Variants in PMEPA1 observed in about 807,000 individuals in gnomAD.
The protein encoded by PMEPA1 is prostate transmembrane protein, androgen induced 1, also known as protein TMEPAI.
A neutral mutation model predicts 23.0 loss-of-function variants in PMEPA1; 11 were observed. That is an observed-to-expected ratio of 0.48 (90% confidence interval 0.30 to 0.79). The LOEUF (loss-of-function observed/expected upper bound fraction) is 0.79. Among genes scored for constraint, PMEPA1 ranks in the 30% least tolerant of loss-of-function variants. The probability of loss-of-function intolerance (pLI) is 0.06; values close to 1 mark genes in which losing one functional copy is unlikely to be tolerated. For missense variants in PMEPA1, 377 were observed against 390.9 expected (o/e 0.96, Z 0.30); for synonymous variants, 204 against 166.4 (o/e 1.23, Z -1.74).
intron 1 of PMEPA1, among the ~76,000 whole-genome samples, chr20:57,703,217 G>A (rs1434097711): frequency 2.0e-5 from 3 of 152,246 alleles, no homozygotes; most frequent in Non-Finnish European, 4.4e-5. Flanking sequence ...CTGAAGACCG[G>A]CCCCTCCCCG....
At chr20:57,669,950 G>A (rs1330864370) in intron 1 of PMEPA1, among the ~76,000 whole-genome samples, 1 of 152,182 alleles carries the variant, frequency 6.6e-6, no homozygotes, top group Non-Finnish European at 1.5e-5. Context: ...GGCTTCCCAG[G>A]TGGTCTCTGC....
At chr20:57,668,645 ACT>A (rs1247350422) in intron 1 of PMEPA1, among the ~76,000 whole-genome samples, 1 of 152,202 alleles carries the variant, frequency 6.6e-6, no homozygotes, top group African/African-American at 2.4e-5. Context: ...GAAACAGCAA[ACT>A]CTGGATATTT....
At chr20:57,695,847 T>C (rs532321515) in intron 1 of PMEPA1, among the ~76,000 whole-genome samples, 80 of 152,280 alleles carry the variant, frequency 5.3e-4, no homozygotes, top group African/African-American at 1.9e-3. Flanking sequence ...GAAACCCAGA[T>C]GGCCCGGCCC....
At position 57,656,550 on chromosome 20, in the gene PMEPA1, G is replaced by A. The variant is rs1234667381; in HGVS notation, c.264+2993C>T. Among the ~76,000 whole-genome samples the A allele has an allele frequency of 6.6e-6, 1 of 152,144 alleles. No homozygotes were observed. Among genetic ancestry groups the A allele is most frequent in the African/African-American group, 2.4e-5 (1 of 41,452 alleles). On this transcript the variant is annotated intron_variant, in intron 2 of 3. Coordinates refer to ENST00000341744, the MANE Select transcript of PMEPA1 (RefSeq NM_020182.5). This position sits in a 1 kb window ranked among gnomAD's most constrained non-coding sequence, Gnocchi z 4.7. ...TGGGCGGTCACTGCAGTGACGTTCT[G>A]CATCATGTCCCGAATACCCTCGGAG... is the stretch of plus-strand genomic sequence containing the variant.
chr20:57,682,777 A>G lies in PMEPA1; in HGVS notation c.110-23080T>C, dbSNP rs571625553. ...TGGATGAGCTATAAATATTTCTGCT[A>G]GATGCTGCCTGGGAGCTGGGCTTTC... is the stretch of plus-strand genomic sequence containing the variant. On this transcript the variant is annotated intron_variant, in intron 1 of 3. Coordinates refer to ENST00000341744, the MANE Select transcript of PMEPA1 (RefSeq NM_020182.5). The surrounding 1 kb of genome is among the most constrained non-coding windows in gnomAD (Gnocchi z 4.4). Among the ~76,000 whole-genome samples the G allele has an allele frequency of 1.3e-5, 2 of 152,394 alleles. No homozygotes were observed. Among genetic ancestry groups the G allele is most frequent in the East Asian group, 3.9e-4 (2 of 5,190 alleles).
Position 57,682,657 on chromosome 20 carries a change from T to TAA in PMEPA1, c.110-22961_110-22960insTT, listed in dbSNP as rs1281397782. ...GACCCACACTCCTCCAGTTTTTGATTTAAAAAAAATCCCTGAAACAGCACC... is the reference window on the plus strand; with the variant it reads ...GACCCACACTCCTCCAGTTTTTGATTAATAAAAAAAATCCCTGAAACAGCACC... On this transcript the variant is annotated intron_variant, in intron 1 of 3. Transcript: ENST00000341744. This position sits in a 1 kb window ranked among gnomAD's most constrained non-coding sequence, Gnocchi z 4.4. 8.8e-6 allele frequency among the ~76,000 whole-genome samples: 1 copy of TAA among 113,928 alleles called. No individual in the cohort carries two copies. Among genetic ancestry groups the TAA allele is most frequent in the African/African-American group, 3.8e-5 (1 of 26,200 alleles). The allele number at this position is 113,928 out of a possible 152,430, so 74.7% of individuals were successfully genotyped here. A position where few individuals can be genotyped will look rare whatever the true frequency, so the allele number is the denominator to read the frequency against.
chr20:57,653,193 G>C (rs1317194649), intron 2 of PMEPA1, 107 bp from the exon 3 acceptor site: 12 of 919,958 alleles, frequency 1.3e-5, no homozygotes, highest in Non-Finnish European at 1.5e-5. Context: ...ATCAGCTCTT[G>C]AACCCGCCCA....
In PMEPA1 at chr20:57,674,809, T is replaced by TGAGG. The variant is rs148818540; in HGVS notation, c.110-15116_110-15113dup. Among the ~76,000 whole-genome samples the TGAGG allele has an allele frequency of 7.0e-3, 1,061 of 152,362 alleles. 15 individuals carry two copies. The highest frequency in any genetic ancestry group is 0.024 in the African/African-American group (1,011 of 41,584). ...ATGAGCACTGAGAATTCACGATGAT[T>TGAGG]GAGGCCAGGCCTCAGGAGCGAGGGC... On this transcript the variant is annotated intron_variant, in intron 1 of 3. Transcript: ENST00000341744.
At chr20:57,664,726 C>T (rs1362289172) in intron 1 of PMEPA1, among the ~76,000 whole-genome samples, 1 of 152,186 alleles carries the variant, frequency 6.6e-6, no homozygotes, top group African/African-American at 2.4e-5. Flanking sequence ...GGCCGCATCC[C>T]TCCCTCTCTC....
Position 57,704,146 on chromosome 20 carries a change from TTA to T in PMEPA1, c.109+5326_109+5327del, listed in dbSNP as rs2072046598. Among the ~76,000 whole-genome samples the T allele has an allele frequency of 6.6e-6, 1 of 152,170 alleles. No homozygotes were observed. Among genetic ancestry groups the T allele is most frequent in the Admixed American group, 6.5e-5 (1 of 15,296 alleles). On this transcript the variant is annotated intron_variant, in intron 1 of 3. Coordinates refer to ENST00000341744, the MANE Select transcript of PMEPA1 (RefSeq NM_020182.5). The surrounding 1 kb of genome is among the most constrained non-coding windows in gnomAD (Gnocchi z 4.6). ...TGCCAGCACTTAAAACCCAGGAGTT[TTA>T]TGTCAAAATCTAACCATTCGGCTGC...
intron 1 of PMEPA1, among the ~76,000 whole-genome samples, chr20:57,670,951 G>A (rs535739857): frequency 6.6e-6 from 1 of 152,266 alleles, no homozygotes; most frequent in East Asian, 1.9e-4. Context: ...CACACAGGAG[G>A]TGGACCTGGA....
Position 57,709,947 on chromosome 20 carries a change from C to G in PMEPA1, c.-365G>C, listed in dbSNP as rs1473890255. 1.6e-5 allele frequency: 16 copies of G among 1,010,940 alleles called. No individual in the cohort carries two copies. Among genetic ancestry groups the G allele is most frequent in the Non-Finnish European group, 1.9e-5 (16 of 849,898 alleles). The allele number at this position is 1,010,940 out of a possible 1,614,324, so 62.6% of individuals were successfully genotyped here. A position where few individuals can be genotyped will look rare whatever the true frequency, so the allele number is the denominator to read the frequency against. ...GCCGCCGCCGCCGCCGCCTCCTCCT[C>G]CTCATTCAAGTCCAAGGAGATCGGG... is the stretch of plus-strand genomic sequence containing the variant. On this transcript the variant is annotated 5_prime_UTR_variant, in exon 1 of 4. Transcript: ENST00000341744.
Position 57,682,036 on chromosome 20 carries a change from C to T in PMEPA1, c.110-22339G>A, listed in dbSNP as rs1266880496. 6.6e-6 allele frequency among the ~76,000 whole-genome samples: 1 copy of T among 152,224 alleles called. No individual in the cohort carries two copies. The highest frequency in any genetic ancestry group is 6.5e-5 in the Admixed American group (1 of 15,286). ...AGTATCTGACTCTGTTTCCCATCTG[C>T]ACCAGACTAGTAGCTCCCTGAGGGC... is the stretch of plus-strand genomic sequence containing the variant. On this transcript the variant is annotated intron_variant, in intron 1 of 3. Coordinates refer to ENST00000341744, the MANE Select transcript of PMEPA1 (RefSeq NM_020182.5). This position sits in a 1 kb window ranked among gnomAD's most constrained non-coding sequence, Gnocchi z 4.4.
At position 57,659,568 on chromosome 20, in the gene PMEPA1, C is replaced by G. The variant is rs151173443; in HGVS notation, c.239G>C (p.Arg80Pro). 3 of 1,613,938 alleles carry G rather than the reference C, an allele frequency of 1.9e-6. No individual in the cohort carries two copies. Among genetic ancestry groups the G allele is most frequent in the Non-Finnish European group, 2.5e-6 (3 of 1,179,956 alleles). The change falls in exon 2 of 4, where the codon CGG (arginine) becomes CCG (proline). Residue 80 changes from arginine to proline, a missense_variant. By Grantham distance (103) the Arg-to-Pro change is moderately radical. Around this residue, in one of 3 missense-constraint regions of PMEPA1, gnomAD observed 198 missense variants for 196.3 expected, o/e 1.01. Transcript: ENST00000341744. ...RSFISRHSQG[R>P]RREDALSSEG... ...TGAGGACAGGGCATCTTCTCTCCTC[C>G]GCCCCTGGCTGTGCCGGCTGATGAA...
At position 57,709,617 on chromosome 20, in the gene PMEPA1, G is replaced by A. The variant is rs890431207; in HGVS notation, c.-35C>T. ...GGCGGCGCGGCGCGGGGCGCGGGGG[G>A]CTCGGGGGCGGCCGGGGGGGGCTCC... On this transcript the variant is annotated 5_prime_UTR_variant, in exon 1 of 4. Coordinates refer to ENST00000341744, the MANE Select transcript of PMEPA1 (RefSeq NM_020182.5). 9 of 963,630 alleles carry A rather than the reference G, an allele frequency of 9.3e-6. No homozygotes were observed. The highest frequency in any genetic ancestry group is 9.9e-6 in the Non-Finnish European group (8 of 804,720). The allele number at this position is 963,630 out of a possible 1,614,324, so 59.7% of individuals were successfully genotyped here.
At chr20:57,688,120 G>A (rs1186570713) in intron 1 of PMEPA1, among the ~76,000 whole-genome samples, 2 of 152,212 alleles carry the variant, frequency 1.3e-5, no homozygotes, top group African/African-American at 4.8e-5. Context: ...CCTCAGCTCA[G>A]CCTCCACCAG....
At position 57,682,911 on chromosome 20, in the gene PMEPA1, G is replaced by A. The variant is rs190232741; in HGVS notation, c.110-23214C>T. 4.6e-5 allele frequency among the ~76,000 whole-genome samples: 7 copies of A among 152,362 alleles called. No homozygotes were observed. Among genetic ancestry groups the A allele is most frequent in the African/African-American group, 1.7e-4 (7 of 41,588 alleles). Reference sequence around the variant, plus strand: ...ATCTGTTTTGCCTGACAAATGAGCAGCAGCTCGCCTCCTAAATAAGGCAGC... The same window carrying A: ...ATCTGTTTTGCCTGACAAATGAGCAACAGCTCGCCTCCTAAATAAGGCAGC... On this transcript the variant is annotated intron_variant, in intron 1 of 3. Coordinates refer to ENST00000341744, the MANE Select transcript of PMEPA1 (RefSeq NM_020182.5). This position sits in a 1 kb window ranked among gnomAD's most constrained non-coding sequence, Gnocchi z 4.4.
At chr20:57,677,197 T>C (rs970416704) in intron 1 of PMEPA1, among the ~76,000 whole-genome samples, 1 of 152,166 alleles carries the variant, frequency 6.6e-6, no homozygotes, top group African/African-American at 2.4e-5. Flanking sequence ...CAGAGTATGG[T>C]CAGGAGCATG....
rs12578 is a variant in PMEPA1 at position 57,648,564 on chromosome 20, C to T, written c.*3489G>A. 5,065 of 152,624 alleles carry T rather than the reference C, an allele frequency of 0.033. 224 individuals are homozygous for T. The highest frequency in any genetic ancestry group is 0.095 in the African/African-American group (3,962 of 41,498). The allele number at this position is 152,624 out of a possible 1,614,324, so 9.5% of individuals were successfully genotyped here. A position where few individuals can be genotyped will look rare whatever the true frequency, so the allele number is the denominator to read the frequency against. ...ACGTGGGTGCGCGCCCCGCATGCCA[C>T]GGAAAGCTTACATAAGTTTAACTTG... On this transcript the variant is annotated 3_prime_UTR_variant, in exon 4 of 4. Transcript: ENST00000341744.
Sources: gnomAD v4.1 joint callset for allele counts (sites outside exome capture counted in the v4.1 genomes callset) on GRCh38, gnomAD v4.1.1 for gene constraint, gnomAD v4.1.1 regional missense constraint, Gnocchi (gnomAD v3.1) non-coding constraint, MANE v1.5 for transcripts, NCBI Gene and HGNC (gene_info 2026-07-23, HGNC 2026-07-21) for gene names.